Variants in AK4 observed in about 807,000 individuals in gnomAD.
The protein encoded by AK4 is adenylate kinase 4.
Under a neutral mutation model 24.6 loss-of-function variants are expected in AK4, and 13 were observed. The observed-to-expected ratio is 0.53, with a 90% CI of 0.34 to 0.84. The LOEUF (loss-of-function observed/expected upper bound fraction) is 0.84, where lower values mean the gene tolerates loss of function less well. Among genes scored for constraint, AK4 ranks in the 40% least tolerant of loss-of-function variants. The pLI, the probability that AK4 is intolerant of heterozygous loss-of-function variation, is 0.01. For missense variants in AK4, 192 were observed against 288.2 expected, an observed-to-expected ratio of 0.67 and a Z score of 2.42; for synonymous variants, 88 against 107.0, an observed-to-expected ratio of 0.82 and a Z score of 1.10.
intron 2 of AK4, 44 bp downstream of exon 2, chr1:65,190,873 G>T: frequency 6.2e-7 from 1 of 1,608,508 alleles, no homozygotes; most frequent in Admixed American, 1.7e-5. Flanking sequence ...GGAATAGTCA[G>T]TTAAGGTCTT....
upstream of AK4, chr1:65,148,162 C>A: frequency 1.3e-6 from 1 of 752,288 alleles, no homozygotes; most frequent in Non-Finnish European, 2.0e-6. Context: ...TGGAGGAGGG[C>A]GAGGAGGTGG....
At chr1:65,208,770 G>C (rs529256143) in intron 2 of AK4, among the ~76,000 whole-genome samples, 1 of 152,306 alleles carries the variant, frequency 6.6e-6, no homozygotes, top group East Asian at 1.9e-4. Flanking sequence ...CCTTCCTGCA[G>C]AGTGAATGCG....
chr1:65,230,840 T>TGGATTTCAGTAAC lies in AK4; in HGVS notation c.*4663_*4664insGGATTTCAGTAAC, dbSNP rs1652621435. On this transcript the variant is annotated 3_prime_UTR_variant, in exon 5 of 5. Coordinates refer to ENST00000327299, the MANE Select transcript of AK4 (RefSeq NM_013410.4). ...TACAGAGGGCGTGTCTCATCTGTAC[T>TGGATTTCAGTAAC]CTGCTGGGTTACAGGATTTCAGTAG... is the stretch of plus-strand genomic sequence containing the variant. 6.6e-6 allele frequency: 1 copy of TGGATTTCAGTAAC among 152,204 alleles called. No individual in the cohort carries two copies. Among genetic ancestry groups the TGGATTTCAGTAAC allele is most frequent in the Non-Finnish European group, 1.5e-5 (1 of 68,036 alleles). 9.4% of individuals were successfully genotyped at this position (152,204 alleles called of 1,614,324 possible).
At chr1:65,196,598 GGGATTACA>G (rs1651479811) in intron 2 of AK4, among the ~76,000 whole-genome samples, 1 of 152,112 alleles carries the variant, frequency 6.6e-6, no homozygotes, top group Non-Finnish European at 1.5e-5. Flanking sequence ...CTGAGTAGCT[GGGATTACA>G]GGTGCACACC....
At chr1:65,172,021 A>C (rs1041555784) in intron 1 of AK4, among the ~76,000 whole-genome samples, 2 of 143,460 alleles carry the variant, frequency 1.4e-5, no homozygotes. Context: ...AGATTGTGTC[A>C]CTGCACTCCA....
intron 3 of AK4, among the ~76,000 whole-genome samples, chr1:65,222,525 A>G (rs1234164664): frequency 6.6e-6 from 1 of 152,218 alleles, no homozygotes; most frequent in African/African-American, 2.4e-5. Flanking sequence ...TTGCTCTAGC[A>G]TCATTCTGCT....
upstream of AK4, chr1:65,148,144 C>T: frequency 3.1e-6 from 2 of 635,692 alleles, no homozygotes; most frequent in Non-Finnish European, 4.8e-6. Flanking sequence ...TGCGTGGGGG[C>T]GAGGAGGTGG....
chr1:65,198,647 T>C (rs1651562201), intron 2 of AK4, among the ~76,000 whole-genome samples: 1 of 152,100 alleles, frequency 6.6e-6, no homozygotes, highest in African/African-American at 2.4e-5. Flanking sequence ...GCATTTTTGG[T>C]CAAAATGATT....
intron 1 of AK4, among the ~76,000 whole-genome samples, chr1:65,173,367 T>C (rs772022185): frequency 1.5e-4 from 23 of 152,172 alleles, no homozygotes; most frequent in Admixed American, 2.0e-4. Context: ...TCCAGCTTTA[T>C]ATACCGAATT....
rs1652600969 is a variant in AK4, at chr1:65,230,256, G to C, written c.*4079G>C. On this transcript the variant is annotated 3_prime_UTR_variant, in exon 5 of 5. Transcript: ENST00000327299. ...GTAAGAATAGCCATCAGTGAGGAAG[G>C]ATTCTTGGAGCGAGGAGCCACTGTG... 3.3e-5 allele frequency: 5 copies of C among 152,172 alleles called. No individual in the cohort carries two copies. In the South Asian group the frequency reaches 8.3e-4, roughly 25 times the overall value. 9.4% of individuals were successfully genotyped at this position (152,172 alleles called of 1,614,324 possible).
rs755701681 is a variant in AK4 at position 65,148,431 on chromosome 1, G to T, written c.24G>T (p.Ala8=). 4 of 1,555,894 alleles carry T rather than the reference G, an allele frequency of 2.6e-6. No individual in the cohort carries two copies. The highest frequency in any genetic ancestry group is 2.6e-6 in the Non-Finnish European group (3 of 1,151,088). MASKLLR[A]VILGPPGSGK... Reference sequence around the variant, plus strand: ...CAATGGCTTCCAAACTCCTGCGCGCGGTCATCCTCGGGCCGCCCGGCTCGG... The same window carrying T: ...CAATGGCTTCCAAACTCCTGCGCGCTGTCATCCTCGGGCCGCCCGGCTCGG... Residue 8 remains alanine, a synonymous_variant, in exon 1 of 5, where the codon GCG becomes GCT. Coordinates refer to ENST00000327299, the MANE Select transcript of AK4 (RefSeq NM_013410.4).
chr1:65,218,386 G>C (rs995826436), intron 2 of AK4, among the ~76,000 whole-genome samples: 1 of 152,158 alleles, frequency 6.6e-6, no homozygotes, highest in Non-Finnish European at 1.5e-5. Flanking sequence ...GTGATTTTTA[G>C]TTTAGCGCAT....
intron 2 of AK4, among the ~76,000 whole-genome samples, chr1:65,194,082 C>A (rs1280114438): frequency 6.6e-6 from 1 of 152,134 alleles, no homozygotes; most frequent in Non-Finnish European, 1.5e-5. Flanking sequence ...CAGAGTGAGA[C>A]CCTGTTTCAA....
chr1:65,194,244 A>C (rs1651400932), intron 2 of AK4, among the ~76,000 whole-genome samples: 1 of 152,270 alleles, frequency 6.6e-6, no homozygotes, highest in African/African-American at 2.4e-5. Flanking sequence ...TTTACTGCTT[A>C]AGATACTTCT....
chr1:65,218,410 CAT>C (rs1652196257), intron 2 of AK4, among the ~76,000 whole-genome samples: 1 of 152,168 alleles, frequency 6.6e-6, no homozygotes, highest in Non-Finnish European at 1.5e-5. Context: ...AAATTTTTAT[CAT>C]ATGATTCCTT....
intron 2 of AK4, among the ~76,000 whole-genome samples, chr1:65,215,385 T>C (rs746919682): frequency 1.4e-4 from 21 of 152,066 alleles, no homozygotes; most frequent in Non-Finnish European, 8.8e-5. Flanking sequence ...TTGGCCAGGA[T>C]GGTCTTGATC....
Position 65,223,295 on chromosome 1 carries a change from T to G in AK4, c.439-1457T>G, listed in dbSNP as rs1652350912. Among the ~76,000 whole-genome samples, 6 of 152,196 alleles carry G rather than the reference T, an allele frequency of 3.9e-5. No homozygotes were observed. The South Asian group carries it at 1.0e-3, about 26-fold the overall frequency. ...ACCTTTGCCCCTGGGTTCAAGTGAT[T>G]CTCCTGCCTCAGACTCTCGAGTAGT... On this transcript the variant is annotated intron_variant, in intron 3 of 4. Transcript: ENST00000327299.
Position 65,227,273 on chromosome 1 carries a change from T to C in AK4, c.*1096T>C, listed in dbSNP as rs1652494976. 4 of 143,478 alleles carry C rather than the reference T, an allele frequency of 2.8e-5. No individual in the cohort carries two copies. The South Asian group carries it at 7.2e-4, about 26-fold the overall frequency. 8.9% of individuals were successfully genotyped at this position (143,478 alleles called of 1,614,324 possible). ...CACTCCTATGAGTGACCCAAACATA[T>C]TATAAATATGTGGTAAAGGGAATGG... On this transcript the variant is annotated 3_prime_UTR_variant, in exon 5 of 5. Transcript: ENST00000327299.
At chr1:65,148,584 G>T in intron 1 of AK4, 32 bp downstream of exon 1, 1 of 1,567,454 alleles carries the variant, frequency 6.4e-7, no homozygotes, top group Non-Finnish European at 8.7e-7. Flanking sequence ...GGCCGGGGGC[G>T]AGCCGCGTTG....
Sources: allele counts gnomAD v4.1 joint callset (sites outside exome capture counted in the v4.1 genomes callset), GRCh38; gene constraint gnomAD v4.1.1; transcripts MANE v1.5; gene names NCBI Gene and HGNC (gene_info 2026-07-23, HGNC 2026-07-21).